Variants in ZNF607 observed in about 807,000 individuals in gnomAD.
ZNF607 encodes zinc finger protein 607.
ZNF607 carries 5 observed loss-of-function variants against 12.8 expected under a neutral mutation model. The observed-to-expected ratio is 0.39, with a 90% CI of 0.20 to 0.82. The LOEUF (loss-of-function observed/expected upper bound fraction) is 0.82. ZNF607 is among the 40% of genes least tolerant of loss of function. The pLI is 0.39. For synonymous variants in ZNF607, 287 were observed against 276.2 expected (o/e 1.04, Z -0.39); for missense variants, 851 against 859.2 (o/e 0.99, Z 0.12).
Position 37,711,605 on chromosome 19 carries a change from C to T in ZNF607, c.9+5G>A, listed in dbSNP as rs2045133496. 1.9e-6 allele frequency: 3 copies of T among 1,613,814 alleles called. No individual in the cohort carries two copies. The highest frequency in any genetic ancestry group is 1.3e-5 in the African/African-American group (1 of 74,930). ...ACCTCCACATGGCGAGAAATATCAA[C>T]TTACATAGGACATGGTTTGAGACTG... On this transcript the variant is annotated splice_donor_5th_base_variant and intron_variant, in intron 2 of 4. Coordinates refer to ENST00000355202, the MANE Select transcript of ZNF607 (RefSeq NM_032689.5).
intron 4 of ZNF607, among the ~76,000 whole-genome samples, chr19:37,707,360 G>A (rs1344058232): frequency 6.6e-6 from 1 of 151,896 alleles, no homozygotes. Flanking sequence ...GTGTGGTGGT[G>A]CACACCTGTG....
chr19:37,701,070 C>G (rs1328679170), intron 4 of ZNF607, among the ~76,000 whole-genome samples: 2 of 152,028 alleles, frequency 1.3e-5, no homozygotes, highest in African/African-American at 2.4e-5. Flanking sequence ...TTAATATGAG[C>G]ACATTTTACC....
chr19:37,714,340 A>ACAGCAGCAGCAGCAG (rs1555735555), intron 1 of ZNF607, among the ~76,000 whole-genome samples: 4 of 148,210 alleles, frequency 2.7e-5, no homozygotes, highest in African/African-American at 1.0e-4. Flanking sequence ...AACAACAACA[A>ACAGCAGCAGCAGCAG]CAGCAGCAGC....
At chr19:37,705,558 G>A (rs1004530508) in intron 4 of ZNF607, among the ~76,000 whole-genome samples, 4 of 151,734 alleles carry the variant, frequency 2.6e-5, no homozygotes, top group East Asian at 1.9e-4. Flanking sequence ...CATGGTGGGC[G>A]CTTATAGTCT....
rs775579206 is a variant in ZNF607 at position 37,699,231 on chromosome 19, T to TAA, written c.899_900insTT (p.Lys300AsnfsTer2). On this transcript the variant is annotated frameshift_variant, in exon 5 of 5. Coordinates refer to ENST00000355202, the MANE Select transcript of ZNF607 (RefSeq NM_032689.5). LOFTEE classifies it low-confidence loss of function (END_TRUNC). ...AGGGTTTTTCTCCAGTATGAATTCTTTTATGACCCACAAGGTGGGAAAACT... is the reference window on the plus strand; with the variant it reads ...AGGGTTTTTCTCCAGTATGAATTCTTAATTATGACCCACAAGGTGGGAAAACT... 6.2e-7 allele frequency: 1 copy of TAA among 1,614,046 alleles called. No individual in the cohort carries two copies. The highest frequency in any genetic ancestry group is 8.5e-7 in the Non-Finnish European group (1 of 1,179,984).
At chr19:37,714,249 G>A (rs1244636632) in intron 1 of ZNF607, among the ~76,000 whole-genome samples, 1 of 150,812 alleles carries the variant, frequency 6.6e-6, no homozygotes, top group Non-Finnish European at 1.5e-5. Flanking sequence ...GTGAACCCAG[G>A]AGGCGGAGCT....
At chr19:37,707,177 G>A (rs960218902) in intron 4 of ZNF607, among the ~76,000 whole-genome samples, 4 of 152,150 alleles carry the variant, frequency 2.6e-5, no homozygotes, top group African/African-American at 7.2e-5. Flanking sequence ...AAATGCATAT[G>A]GTTGTTCATA....
rs140258208 is a variant in ZNF607 at position 37,699,037 on chromosome 19, T to C, written c.1094A>G (p.Tyr365Cys). 21 of 1,613,976 alleles carry C rather than the reference T, an allele frequency of 1.3e-5. No homozygotes were observed. The highest frequency in any genetic ancestry group is 1.6e-4 in the Middle Eastern group (1 of 6,084). The change falls in exon 5 of 5, where the codon TAT becomes TGT. Residue 365 changes from tyrosine (Y) to cysteine (C), a missense_variant. Coordinates refer to ENST00000355202, the MANE Select transcript of ZNF607 (RefSeq NM_032689.5). ...GGCTTTCCCACATTCCTCACACTTA[T>C]AAGGTTTCTCAACACTTTCAAATGT... Reference protein sequence around the residue: ...PHTFESVEKPYKCEECGKAFS... With the variant: ...PHTFESVEKPCKCEECGKAFS...
rs559352036 is a variant in ZNF607 at position 37,710,133 on chromosome 19, C to T, written c.10-311G>A. On this transcript the variant is annotated intron_variant, in intron 2 of 4. Coordinates refer to ENST00000355202, the MANE Select transcript of ZNF607 (RefSeq NM_032689.5). ...TTGCGCCACTGCACTCCAGCCTGGG[C>T]AATAGAGCGAGACTCCGTCTCAAAA... 3.3e-5 allele frequency among the ~76,000 whole-genome samples: 5 copies of T among 150,378 alleles called. 1 individual carries two copies. Among genetic ancestry groups the T allele is most frequent in the Middle Eastern group, 3.7e-3 (1 of 272 alleles).
chr19:37,711,560 A>T (rs755984284), intron 2 of ZNF607, 50 bp downstream of exon 2: 4 of 1,602,320 alleles, frequency 2.5e-6, no homozygotes, highest in Non-Finnish European at 2.6e-6. Context: ...GACATACATG[A>T]CCTAAAAAAT....
chr19:37,711,762 T>C (rs1280292928), intron 1 of ZNF607, 70 bp from the exon 2 acceptor site: 2 of 693,546 alleles, frequency 2.9e-6, no homozygotes, highest in Non-Finnish European at 5.0e-6. Context: ...GTAATAGTAC[T>C]GTTTTCCTCT....
chr19:37,698,546 C>A lies in ZNF607; in HGVS notation c.1585G>T (p.Gly529Cys). 6.2e-7 allele frequency: 1 copy of A among 1,611,958 alleles called. No homozygotes were observed. The highest frequency in any genetic ancestry group is 8.5e-7 in the Non-Finnish European group (1 of 1,178,264). ...TTGTTGCATTCAAAGGGTTTCTTAC[C>A]ACTGTGAATACTCAGATGCTGAGTA... is the stretch of plus-strand genomic sequence containing the variant. Reference protein sequence around the residue: ...QLTQHLSIHSGKKPFECNKCG... With the variant: ...QLTQHLSIHSCKKPFECNKCG... Residue 529 changes from glycine to cysteine, a missense_variant, in exon 5 of 5, where the codon GGT becomes TGT. Transcript: ENST00000355202.
chr19:37,697,337 C>A lies in ZNF607; in HGVS notation c.*703G>T. 1 of 1,410,180 alleles carries A rather than the reference C, an allele frequency of 7.1e-7. No homozygotes were observed. The highest frequency in any genetic ancestry group is 9.9e-7 in the Non-Finnish European group (1 of 1,006,728). The allele number at this position is 1,410,180 out of a possible 1,614,324, so 87.4% of individuals were successfully genotyped here. On this transcript the variant is annotated 3_prime_UTR_variant, in exon 5 of 5. Coordinates refer to ENST00000355202, the MANE Select transcript of ZNF607 (RefSeq NM_032689.5). ...CCACATTACATAAGGCAGAGTTCAC[C>A]ATGCCTCCTGCAACAGCTAAGGCCA...
intron 4 of ZNF607, among the ~76,000 whole-genome samples, chr19:37,702,473 T>C (rs1390255062): frequency 6.6e-6 from 1 of 152,144 alleles, no homozygotes; most frequent in Non-Finnish European, 1.5e-5. Flanking sequence ...ATTAAGATGC[T>C]CATTTAATGC....
At chr19:37,710,127 C>T (rs2045120575) in intron 2 of ZNF607, among the ~76,000 whole-genome samples, 1 of 151,034 alleles carries the variant, frequency 6.6e-6, no homozygotes, top group Admixed American at 6.6e-5. Flanking sequence ...TGCACTCCAG[C>T]CTGGGCAATA....
rs772220679 is a variant in ZNF607 at position 37,698,369 on chromosome 19, A to C, written c.1762T>G (p.Ser588Ala). Reference sequence around the variant, plus strand: ...TCCCCACATTCTTTACATTCATAGGACTTTTCACCAGCATGAGTTCGGTCA... The same window carrying C: ...TCCCCACATTCTTTACATTCATAGGCCTTTTCACCAGCATGAGTTCGGTCA... Reference protein sequence around the residue: ...YHDRTHAGEKSYECKECGETF... With the variant: ...YHDRTHAGEKAYECKECGETF... Residue 588 changes from serine to alanine, a missense_variant, in exon 5 of 5, where the codon TCC becomes GCC. Physicochemically the swap from Ser to Ala is moderately conservative, Grantham distance 99. Coordinates refer to ENST00000355202, the MANE Select transcript of ZNF607 (RefSeq NM_032689.5). The C allele has an allele frequency of 6.2e-7, 1 of 1,614,024 alleles. No individual in the cohort carries two copies. Among genetic ancestry groups the C allele is most frequent in the Non-Finnish European group, 8.5e-7 (1 of 1,179,968 alleles).
At position 37,697,520 on chromosome 19, in the gene ZNF607, A is replaced by T; in HGVS notation, c.*520T>A. 1.8e-6 allele frequency: 1 copy of T among 564,348 alleles called. No homozygotes were observed. Among genetic ancestry groups the T allele is most frequent in the South Asian group, 1.9e-5 (1 of 53,876 alleles). 35.0% of individuals were successfully genotyped at this position (564,348 alleles called of 1,614,324 possible). On this transcript the variant is annotated 3_prime_UTR_variant, in exon 5 of 5. Transcript: ENST00000355202. ...CTATCATCATTTATATATGATCCCC[A>T]GAAGGGATAAATATCTTCCCCCATA...
rs183407383 is a variant in ZNF607, at chr19:37,696,741, C to T, written c.*1299G>A. 549 of 1,097,278 alleles carry T rather than the reference C, an allele frequency of 5.0e-4. 4 individuals are homozygous for T. In the East Asian group the frequency reaches 8.7e-3, roughly 17 times the overall value. 68.0% of individuals were successfully genotyped at this position (1,097,278 alleles called of 1,614,324 possible). Reference sequence around the variant, plus strand: ...GCTTGCACAGCTCGCTCTGGCCGTCCCCTGCAGTGGCCAGTGAGTTGGCGA... The same window carrying T: ...GCTTGCACAGCTCGCTCTGGCCGTCTCCTGCAGTGGCCAGTGAGTTGGCGA... On this transcript the variant is annotated 3_prime_UTR_variant, in exon 5 of 5. Coordinates refer to ENST00000355202, the MANE Select transcript of ZNF607 (RefSeq NM_032689.5).
chr19:37,713,717 G>A (rs1379688092), intron 1 of ZNF607, among the ~76,000 whole-genome samples: 1 of 152,080 alleles, frequency 6.6e-6, no homozygotes, highest in African/African-American at 2.4e-5. Flanking sequence ...GGGATTACAG[G>A]TGTGAGCCAC....
Sources: allele counts gnomAD v4.1 joint callset (sites outside exome capture counted in the v4.1 genomes callset), GRCh38; gene constraint gnomAD v4.1.1; transcripts MANE v1.5; gene names NCBI Gene and HGNC (gene_info 2026-07-23, HGNC 2026-07-21).